NR2C2: variants seen among roughly 807,000 people sequenced by gnomAD.
The protein encoded by NR2C2 is Nuclear hormone receptor TR4.
Under a neutral mutation model 62.9 loss-of-function variants are expected in NR2C2, and 6 were observed. That is an observed-to-expected ratio of 0.10 (90% CI 0.05 to 0.19). NR2C2 has a LOEUF of 0.19. Among genes scored for constraint, NR2C2 ranks in the 10% least tolerant of loss-of-function variants. The probability of loss-of-function intolerance (pLI) is 1.00; values close to 1 mark genes in which losing one functional copy is unlikely to be tolerated. For missense variants in NR2C2, 479 were observed against 762.7 expected, an observed-to-expected ratio of 0.63 and a Z score of 4.38; for synonymous variants, 272 against 273.8, an observed-to-expected ratio of 0.99 and a Z score of 0.07.
intron 2 of NR2C2, among the ~76,000 whole-genome samples, chr3:15,013,038 T>A (rs1443442199): frequency 2.6e-5 from 4 of 152,176 alleles, no homozygotes; most frequent in African/African-American, 9.7e-5. Context: ...AGATGTAGTC[T>A]CTATCCTTAA....
In NR2C2 at chr3:15,030,356, T is replaced by C. The variant is rs1393134253; in HGVS notation, c.1014T>C (p.Ser338=). 2 of 1,613,320 alleles carry C rather than the reference T, an allele frequency of 1.2e-6. No homozygotes were observed. Among genetic ancestry groups the C allele is most frequent in the South Asian group, 1.1e-5 (1 of 90,976 alleles). ...GCTTGGCAGATGGGATAGACACCAG[T>C]GGAGGAGGGAGCATCCACGTCATCA... ...SPSLADGIDT[S]GGGSIHVISR... Residue 338 remains serine, a synonymous_variant, in exon 9 of 14, where the codon AGT becomes AGC. Coordinates refer to ENST00000425241, the MANE Select transcript of NR2C2 (RefSeq NM_001291694.2).
At chr3:15,033,639 C>CTTTTTT (rs58524753) in intron 10 of NR2C2, among the ~76,000 whole-genome samples, 6 of 84,826 alleles carry the variant, frequency 7.1e-5, no homozygotes, top group Non-Finnish European at 1.1e-4. Context: ...TAACCTCAGG[C>CTTTTTT]TTTTTTTTTT....
Position 14,955,850 on chromosome 3 carries a change from G to A in NR2C2, c.-40+7944G>A, listed in dbSNP as rs188727704. 2.6e-4 allele frequency among the ~76,000 whole-genome samples: 40 copies of A among 151,430 alleles called. 1 individual carries two copies. Among genetic ancestry groups the A allele is most frequent in the Admixed American group, 2.2e-3 (34 of 15,282 alleles). ...GTATGTAGTGACTTTTTTAGGGGAG[G>A]TGTCAACACAGAAAATTGTAGAACT... On this transcript the variant is annotated intron_variant, in intron 1 of 13. Transcript: ENST00000425241.
intron 11 of NR2C2, among the ~76,000 whole-genome samples, chr3:15,035,290 C>T (rs1207190613): frequency 6.6e-6 from 1 of 152,108 alleles, no homozygotes; most frequent in African/African-American, 2.4e-5. Context: ...GATCCCATCT[C>T]AATGAATGAA....
chr3:15,029,778 A>G (rs2041917022), intron 8 of NR2C2, among the ~76,000 whole-genome samples: 1 of 148,062 alleles, frequency 6.8e-6, no homozygotes, highest in African/African-American at 2.5e-5. Context: ...CCATCTCTGA[A>G]AAAGTAAATA....
At chr3:14,960,827 T>C (rs1202979535) in intron 1 of NR2C2, among the ~76,000 whole-genome samples, 1 of 152,218 alleles carries the variant, frequency 6.6e-6, no homozygotes, top group Non-Finnish European at 1.5e-5. Flanking sequence ...TCTAGACTTT[T>C]ACATGCAATA....
chr3:14,952,079 T>C (rs527783983), intron 1 of NR2C2, among the ~76,000 whole-genome samples: 1 of 152,142 alleles, frequency 6.6e-6, no homozygotes, highest in Non-Finnish European at 1.5e-5. Context: ...CTCCAAGGAG[T>C]AACATGGCAA....
chr3:15,035,903 C>T (rs910285977), intron 11 of NR2C2, among the ~76,000 whole-genome samples: 8 of 152,230 alleles, frequency 5.3e-5, no homozygotes, highest in African/African-American at 1.7e-4. Context: ...TGGTGGGCAT[C>T]TGTAATCCCA....
intron 1 of NR2C2, among the ~76,000 whole-genome samples, chr3:14,995,770 A>T (rs2040815539): frequency 6.6e-6 from 1 of 152,062 alleles, no homozygotes; most frequent in African/African-American, 2.4e-5. Flanking sequence ...TTTTTCAAAG[A>T]GACTGCACCA....
intron 1 of NR2C2, among the ~76,000 whole-genome samples, chr3:14,971,492 A>G (rs1350740421): frequency 6.6e-6 from 1 of 151,690 alleles, no homozygotes; most frequent in Admixed American, 6.6e-5. Context: ...CATAAAGAGC[A>G]TCTGTATACC....
intron 2 of NR2C2, among the ~76,000 whole-genome samples, chr3:15,013,381 A>C (rs1356923850): frequency 6.6e-6 from 1 of 152,250 alleles, no homozygotes; most frequent in African/African-American, 2.4e-5. Context: ...ATATAGTCCT[A>C]GACTAAAATT....
chr3:14,958,844 C>T (rs187110645), intron 1 of NR2C2, among the ~76,000 whole-genome samples: 18 of 152,264 alleles, frequency 1.2e-4, no homozygotes, highest in East Asian at 5.8e-4. Flanking sequence ...GGCATGGTGG[C>T]GCATGCCTGT....
At chr3:15,021,763 T>C (rs1386841928) in intron 5 of NR2C2, among the ~76,000 whole-genome samples, 1 of 152,262 alleles carries the variant, frequency 6.6e-6, no homozygotes, top group Non-Finnish European at 1.5e-5. Context: ...TGTCATCTTT[T>C]GCATAGTTTT....
intron 1 of NR2C2, among the ~76,000 whole-genome samples, chr3:14,987,156 C>T (rs1317716764): frequency 6.6e-6 from 1 of 152,178 alleles, no homozygotes; most frequent in Non-Finnish European, 1.5e-5. Flanking sequence ...GAACACAGCT[C>T]ACTGCAATTT....
intron 3 of NR2C2, among the ~76,000 whole-genome samples, chr3:15,014,177 C>T (rs1320973858): frequency 6.6e-6 from 1 of 152,196 alleles, no homozygotes; most frequent in Admixed American, 6.5e-5. Context: ...ATCATCAGGT[C>T]TGTGGCCCCA....
rs566069733 is a variant in NR2C2 at position 14,956,592 on chromosome 3, G to A, written c.-40+8686G>A. Among the ~76,000 whole-genome samples the A allele has an allele frequency of 2.2e-4, 34 of 152,242 alleles. No individual in the cohort carries two copies. In the South Asian group the frequency reaches 6.6e-3, roughly 30 times the overall value. On this transcript the variant is annotated intron_variant, in intron 1 of 13. Coordinates refer to ENST00000425241, the MANE Select transcript of NR2C2 (RefSeq NM_001291694.2). ...GAGTTTTACTTTTGTTGCCCAGGCT[G>A]GAGTGCAGTGGCTCAATCTCAGCTC...
At chr3:15,037,212 TGTG>T (rs1559310120) in intron 11 of NR2C2, among the ~76,000 whole-genome samples, 2,436 of 139,292 alleles carry the variant, frequency 0.017, 52 homozygotes, top group African/African-American at 0.065. Flanking sequence ...TTTTTGTTTG[TGTG>T]TGTGTGTGTG....
Position 15,025,106 on chromosome 3 carries a change from C to T in NR2C2, c.798+898C>T, listed in dbSNP as rs141933439. On this transcript the variant is annotated intron_variant, in intron 7 of 13. Coordinates refer to ENST00000425241, the MANE Select transcript of NR2C2 (RefSeq NM_001291694.2). ...TGATGGGAGCTGATGGATCACGCAT[C>T]GTGGGCTTAGCTTATCAGCAGCACA... Among the ~76,000 whole-genome samples, 300 of 152,326 alleles carry T rather than the reference C, an allele frequency of 2.0e-3. 1 individual carries two copies. The highest frequency in any genetic ancestry group is 4.3e-3 in the South Asian group (21 of 4,828).
chr3:15,017,633 A>G (rs1297323631), intron 4 of NR2C2, among the ~76,000 whole-genome samples: 3 of 152,188 alleles, frequency 2.0e-5, no homozygotes, highest in Admixed American at 2.0e-4. Flanking sequence ...TCTTGGTGCC[A>G]TTGTCTCCTG....
Sources: gnomAD v4.1 joint callset for allele counts (sites outside exome capture counted in the v4.1 genomes callset) on GRCh38, gnomAD v4.1.1 for gene constraint, MANE v1.5 for transcripts, NCBI Gene and HGNC (gene_info 2026-07-23, HGNC 2026-07-21) for gene names.